Variants in FILIP1L observed in about 807,000 individuals in gnomAD.
FILIP1L encodes filamin A interacting protein 1 like.
A neutral mutation model predicts 96.6 loss-of-function variants in FILIP1L; 55 were observed. That is an observed-to-expected ratio of 0.57 (90% CI 0.46 to 0.71). The LOEUF is 0.71. Ranked by LOEUF, FILIP1L falls within the 30% of genes least tolerant of loss-of-function variation. The probability of loss-of-function intolerance (pLI) is 0.00; values close to 1 mark genes in which losing one functional copy is unlikely to be tolerated. For missense variants in FILIP1L, 1,304 were observed against 1,321.2 expected (o/e 0.99, Z 0.20); for synonymous variants, 467 against 473.9 (o/e 0.99, Z 0.19).
At chr3:100,071,949 C>T (rs369226378) in intron 1 of FILIP1L, among the ~76,000 whole-genome samples, 10 of 152,098 alleles carry the variant, frequency 6.6e-5, no homozygotes, top group South Asian at 4.2e-4. Context: ...GTGTCTTGAT[C>T]GGCAGACTGA....
chr3:100,107,398 ACTTTG>A (rs2066413331), intron 1 of FILIP1L, among the ~76,000 whole-genome samples: 1 of 152,124 alleles, frequency 6.6e-6, no homozygotes, highest in South Asian at 2.1e-4. Flanking sequence ...CTCTTCTGAC[ACTTTG>A]TTGGTAGAAT....
At chr3:99,938,000 A>T (rs77769870) in intron 1 of FILIP1L, among the ~76,000 whole-genome samples, 2,039 of 152,314 alleles carry the variant, frequency 0.013, 39 homozygotes, top group African/African-American at 0.043. Context: ...AAAGACAAAT[A>T]AATTAATATC....
intron 1 of FILIP1L, among the ~76,000 whole-genome samples, chr3:99,959,108 T>C (rs1157521520): frequency 6.6e-6 from 1 of 152,216 alleles, no homozygotes; most frequent in Non-Finnish European, 1.5e-5. Context: ...AAAAAATTCA[T>C]TGTGTAAATG....
rs748911433 is a variant in FILIP1L, at chr3:99,848,983, G to C, written c.2693C>G (p.Pro898Arg). ...QPGDLVLSHT[P>R]GQPLHIKVTP... ...AACCTTTATATGAAGTGGCTGCCCA[G>C]GTGTGTGGCTTAGGACTAGATCTCC... The change falls in exon 5 of 6, where the codon CCT becomes CGT. Residue 898 changes from proline to arginine, a missense_variant. Pro to Arg is a moderately radical substitution (Grantham distance 103). Coordinates refer to ENST00000477258, the MANE Select transcript of FILIP1L (RefSeq NM_001387850.1). 101 of 1,613,990 alleles carry C rather than the reference G, an allele frequency of 6.3e-5. No homozygotes were observed. Among genetic ancestry groups the C allele is most frequent in the Non-Finnish European group, 1.0e-5 (12 of 1,180,004 alleles).
intron 1 of FILIP1L, among the ~76,000 whole-genome samples, chr3:99,993,304 G>C (rs1289498416): frequency 6.6e-6 from 1 of 151,920 alleles, no homozygotes; most frequent in African/African-American, 2.4e-5. Context: ...ATTTGTTTAT[G>C]TCATCTACAA....
At chr3:99,946,621 T>C (rs1708016021) in intron 1 of FILIP1L, among the ~76,000 whole-genome samples, 1 of 152,220 alleles carries the variant, frequency 6.6e-6, no homozygotes, top group Non-Finnish European at 1.5e-5. Context: ...GTTAAGACTT[T>C]ATGCATCTAA....
chr3:99,925,550 C>A (rs1707264208), intron 3 of FILIP1L, among the ~76,000 whole-genome samples: 1 of 151,834 alleles, frequency 6.6e-6, no homozygotes, highest in Non-Finnish European at 1.5e-5. Context: ...TTATTGTGAG[C>A]AGCATGTGGG....
At position 99,850,017 on chromosome 3, in the gene FILIP1L, T is replaced by C. The variant is rs1943588829; in HGVS notation, c.1659A>G (p.Val553=). The C allele has an allele frequency of 6.2e-7, 1 of 1,607,486 alleles. No individual in the cohort carries two copies. Among genetic ancestry groups the C allele is most frequent in the Non-Finnish European group, 8.5e-7 (1 of 1,178,482 alleles). Residue 553 remains valine (V), a synonymous_variant, in exon 5 of 6, where the codon GTA becomes GTG. Coordinates refer to ENST00000477258, the MANE Select transcript of FILIP1L (RefSeq NM_001387850.1). ...TGGTTACGCTGTACATCTTTTCTTC[T>C]ACATCGGTTTTGGACTTGAGCGCCC... The part of the protein sequence containing the change: ...TKRALKSKTD[V]EEKMYSVTKE...
chr3:99,884,456 C>T (rs147595962), intron 4 of FILIP1L, among the ~76,000 whole-genome samples: 1 of 152,058 alleles, frequency 6.6e-6, no homozygotes, highest in Non-Finnish European at 1.5e-5. Context: ...AATATGGAAC[C>T]TCTATAAAGA....
At chr3:99,905,937 A>T (rs1706601641) in intron 4 of FILIP1L, among the ~76,000 whole-genome samples, 1 of 152,180 alleles carries the variant, frequency 6.6e-6, no homozygotes, top group Non-Finnish European at 1.5e-5. Flanking sequence ...TCATGCTTGT[A>T]GTCCCAGCAG....
intron 1 of FILIP1L, among the ~76,000 whole-genome samples, chr3:100,094,656 A>G (rs1190519835): frequency 2.0e-5 from 2 of 100,754 alleles, no homozygotes; most frequent in Non-Finnish European, 4.2e-5. Flanking sequence ...CTCCAGCACC[A>G]TTTGTTGGAA....
intron 1 of FILIP1L, among the ~76,000 whole-genome samples, chr3:99,990,053 G>A (rs1709466996): frequency 6.6e-6 from 1 of 152,098 alleles, no homozygotes. Flanking sequence ...GACTATTTTT[G>A]CAATTCTCTG....
intron 1 of FILIP1L, among the ~76,000 whole-genome samples, chr3:99,965,430 A>T (rs547365746): frequency 1.8e-4 from 28 of 152,318 alleles, no homozygotes; most frequent in African/African-American, 6.5e-4. Context: ...ATGTACCAGC[A>T]TGTTCTTCAA....
intron 1 of FILIP1L, among the ~76,000 whole-genome samples, chr3:100,087,630 C>A (rs567602605): frequency 2.0e-4 from 31 of 151,966 alleles, no homozygotes; most frequent in African/African-American, 7.2e-4. Context: ...GAATACAATT[C>A]TTTTTCAGAT....
intron 5 of FILIP1L, among the ~76,000 whole-genome samples, chr3:99,845,013 A>G (rs559294889): frequency 2.8e-4 from 42 of 152,306 alleles, no homozygotes; most frequent in African/African-American, 1.0e-3. Context: ...ATAGCAGTAT[A>G]AAAATGGACT....
chr3:99,876,282 C>G (rs1432637787), intron 4 of FILIP1L: 1 of 907,676 alleles, frequency 1.1e-6, no homozygotes, highest in African/African-American at 1.8e-5. Flanking sequence ...GACCGCGGGA[C>G]CCTCGGCCGC....
In FILIP1L at chr3:99,830,348, A is replaced by G. The variant is rs1942629266; in HGVS notation, c.*66T>C. ...GAGAGATGGTCCTTTGGCCTTTCAT[A>G]GTGGTAATTTTAGCTTTCCACATAT... On this transcript the variant is annotated 3_prime_UTR_variant, in exon 6 of 6. Coordinates refer to ENST00000477258, the MANE Select transcript of FILIP1L (RefSeq NM_001387850.1). The G allele has an allele frequency of 2.8e-6, 1 of 361,168 alleles. No individual in the cohort carries two copies. The highest frequency in any genetic ancestry group is 5.6e-6 in the Non-Finnish European group (1 of 180,020). 22.4% of individuals were successfully genotyped at this position (361,168 alleles called of 1,614,324 possible).
rs78739861 is a variant in FILIP1L, at chr3:100,075,910, G to C, written c.-11+38143C>G. ...TGGGGTATTAGGATTCGATTCAGGA[G>C]AGCTGAGTTGGAGCCTAGAAATCTT... On this transcript the variant is annotated intron_variant, in intron 1 of 5. Transcript: ENST00000477258. Among the ~76,000 whole-genome samples the C allele has an allele frequency of 4.4e-3, 677 of 152,254 alleles. 7 individuals are homozygous for C. The highest frequency in any genetic ancestry group is 0.016 in the African/African-American group (663 of 41,552).
At chr3:99,999,022 A>G (rs1490583338) in intron 1 of FILIP1L, among the ~76,000 whole-genome samples, 1 of 152,106 alleles carries the variant, frequency 6.6e-6, no homozygotes, top group Non-Finnish European at 1.5e-5. Context: ...TGACGTTGCT[A>G]CTCTGTGAAG....
Sources: gnomAD v4.1 joint callset for allele counts (sites outside exome capture counted in the v4.1 genomes callset) on GRCh38, gnomAD v4.1.1 for gene constraint, MANE v1.5 for transcripts, NCBI Gene and HGNC (gene_info 2026-07-23, HGNC 2026-07-21) for gene names.